ZIC5: variants seen among roughly 807,000 people sequenced by gnomAD.
ZIC5 encodes zinc finger protein ZIC 5.
A neutral mutation model predicts 28.5 loss-of-function variants in ZIC5; 20 were observed. The observed-to-expected ratio is 0.70, with a 90% CI of 0.49 to 1.02. The LOEUF (loss-of-function observed/expected upper bound fraction) is 1.02, where lower values mean the gene tolerates loss of function less well. Ranked by LOEUF, ZIC5 falls within the 50% of genes least tolerant of loss-of-function variation. ZIC5 has a pLI of 0.00. For missense variants in ZIC5, 951 were observed against 899.7 expected (o/e 1.06, Z -0.73); for synonymous variants, 488 against 410.4 (o/e 1.19, Z -2.29).
upstream of ZIC5, chr13:99,971,859 G>C: frequency 1.4e-6 from 1 of 732,022 alleles, no homozygotes; most frequent in Non-Finnish European, 2.2e-6. Context: ...AGTAGCCTCG[G>C]CTGCTCGATT....
chr13:99,970,141 T>C lies in ZIC5; in HGVS notation c.1463A>G (p.Lys488Arg), dbSNP rs767012249. The change falls in exon 1 of 2, where the codon AAG becomes AGG. Residue 488 changes from lysine to arginine, a missense_variant. This residue lies in a region of ZIC5 where 59 missense variants were observed against 121.2 expected (regional missense o/e 0.49). Coordinates refer to ENST00000267294, the MANE Select transcript of ZIC5 (RefSeq NM_033132.5). ...FARSENLKIH[K>R]RTHTGEKPFK... is the part of the protein sequence containing the mutation. ...CAGACACCCACCTGTATGAGTACGC[T>C]TGTGGATCTTGAGGTTCTCGGAGCG... 184 of 1,601,248 alleles carry C rather than the reference T, an allele frequency of 1.1e-4. No individual in the cohort carries two copies. Among genetic ancestry groups the C allele is most frequent in the Middle Eastern group, 5.0e-4 (3 of 6,018 alleles).
Position 99,970,677 on chromosome 13 carries a change from G to A in ZIC5, c.927C>T (p.Asn309=). The change falls in exon 1 of 2, where the codon AAC becomes AAT. Residue 309 remains asparagine (N), a synonymous_variant. Transcript: ENST00000267294. The part of the protein sequence containing the change: ...ALHGYGAVNL[N]LNLAAAAAAA... ...CGGCCGCCGCAGCCGCCAGGTTCAG[G>A]TTTAAGTTCACGGCTCCGTAGCCGT... 3 of 1,194,230 alleles carry A rather than the reference G, an allele frequency of 2.5e-6. No individual in the cohort carries two copies. Among genetic ancestry groups the A allele is most frequent in the Non-Finnish European group, 3.1e-6 (3 of 953,812 alleles). 74.0% of individuals were successfully genotyped at this position (1,194,230 alleles called of 1,614,324 possible).
Position 99,971,308 on chromosome 13 carries a change from C to T in ZIC5, c.296G>A (p.Arg99His), listed in dbSNP as rs1361498350. ...AHPEAPAAAA[R>H]AAALVAHPGA... Reference sequence around the variant, plus strand: ...GGGGTGCGCGACCAAGGCTGCAGCACGGGCGGCGGCTGCCGGAGCCTCCGG... The same window carrying T: ...GGGGTGCGCGACCAAGGCTGCAGCATGGGCGGCGGCTGCCGGAGCCTCCGG... The change falls in exon 1 of 2, where the codon CGT becomes CAT. Residue 99 changes from arginine to histidine, a missense_variant. Transcript: ENST00000267294. The T allele has an allele frequency of 1.1e-5, 15 of 1,369,270 alleles. No individual in the cohort carries two copies. Among genetic ancestry groups the T allele is most frequent in the African/African-American group, 1.5e-5 (1 of 64,942 alleles). 84.8% of individuals were successfully genotyped at this position (1,369,270 alleles called of 1,614,324 possible). A position where few individuals can be genotyped will look rare whatever the true frequency, so the allele number is the denominator to read the frequency against.
In ZIC5 at chr13:99,965,355, T is replaced by G. The variant is rs1389886600; in HGVS notation, c.*22A>C. ...CAAGGACTCCCACTTATTATTTCAC[T>G]TATTATTATTAATAATAAATTCTAA... On this transcript the variant is annotated 3_prime_UTR_variant, in exon 2 of 2. Coordinates refer to ENST00000267294, the MANE Select transcript of ZIC5 (RefSeq NM_033132.5). 2 of 1,592,912 alleles carry G rather than the reference T, an allele frequency of 1.3e-6. No individual in the cohort carries two copies. The highest frequency in any genetic ancestry group is 1.7e-6 in the Non-Finnish European group (2 of 1,170,104).
chr13:99,965,224 C>T lies in ZIC5; in HGVS notation c.*153G>A. The T allele has an allele frequency of 6.9e-6, 3 of 432,120 alleles. No individual in the cohort carries two copies. The highest frequency in any genetic ancestry group is 1.2e-5 in the Non-Finnish European group (3 of 258,846). The allele number at this position is 432,120 out of a possible 1,614,324, so 26.8% of individuals were successfully genotyped here. ...TAATTAAATTAATTAAATGTACAAA[C>T]ACCATAGGGTTTCATACTGAATAAA... On this transcript the variant is annotated 3_prime_UTR_variant, in exon 2 of 2. Coordinates refer to ENST00000267294, the MANE Select transcript of ZIC5 (RefSeq NM_033132.5).
At chr13:99,969,761 C>T (rs2053131947) in intron 1 of ZIC5, among the ~76,000 whole-genome samples, 1 of 152,134 alleles carries the variant, frequency 6.6e-6, no homozygotes, top group Admixed American at 6.5e-5. Context: ...CGGGTGGGGA[C>T]TGCCGACCGT....
In ZIC5 at chr13:99,971,034, C is replaced by A. The variant is rs775390966; in HGVS notation, c.570G>T (p.Gly190=). ...ACCGCTGCTCCCCTCCGAGCGGGGC[C>A]CCGTGCATGGCCGCCGCGGGGGCCG... ...SATAPAAAMH[G]APLGGEQRSG... Residue 190 remains glycine (G), a synonymous_variant, in exon 1 of 2, where the codon GGG becomes GGT. Transcript: ENST00000267294. The A allele has an allele frequency of 4.3e-5, 61 of 1,420,080 alleles. No individual in the cohort carries two copies. The highest frequency in any genetic ancestry group is 5.5e-5 in the Non-Finnish European group (60 of 1,099,274). 88.0% of individuals were successfully genotyped at this position (1,420,080 alleles called of 1,614,324 possible). A position where few individuals can be genotyped will look rare whatever the true frequency, so the allele number is the denominator to read the frequency against.
At position 99,970,166 on chromosome 13, in the gene ZIC5, G is replaced by A. The variant is rs2053137074; in HGVS notation, c.1438C>T (p.Arg480Cys). The A allele has an allele frequency of 1.2e-6, 2 of 1,611,574 alleles. No individual in the cohort carries two copies. Among genetic ancestry groups the A allele is most frequent in the Non-Finnish European group, 1.7e-6 (2 of 1,179,182 alleles). Residue 480 changes from arginine to cysteine, a missense_variant, in exon 1 of 2, where the codon CGC becomes TGC. Physicochemically the swap from Arg to Cys is radical, Grantham distance 180 (BLOSUM62 -3). This residue lies in a region of ZIC5 where 59 missense variants were observed against 121.2 expected (regional missense o/e 0.49). Coordinates refer to ENST00000267294, the MANE Select transcript of ZIC5 (RefSeq NM_033132.5). ...PFPGCGKVFARSENLKIHKRT... is the reference protein window; with the variant it reads ...PFPGCGKVFACSENLKIHKRT... ...TTGTGGATCTTGAGGTTCTCGGAGC[G>A]CGCGAAGACCTTGCCGCAGCCGGGG...
In ZIC5 at chr13:99,964,511, AAAAG is replaced by A. The variant is rs1779715561; in HGVS notation, c.*862_*865del. On this transcript the variant is annotated 3_prime_UTR_variant, in exon 2 of 2. Coordinates refer to ENST00000267294, the MANE Select transcript of ZIC5 (RefSeq NM_033132.5). The stretch of plus-strand genomic sequence containing the variant: ...GATAAAAAAAAAAAAACATATAGGA[AAAAG>A]AAAGCACTTGAATTTCTTCTATTTT... The A allele has an allele frequency of 6.6e-6, 1 of 152,290 alleles. No homozygotes were observed. The highest frequency in any genetic ancestry group is 2.4e-5 in the African/African-American group (1 of 41,436). 9.4% of individuals were successfully genotyped at this position (152,290 alleles called of 1,614,324 possible). A position where few individuals can be genotyped will look rare whatever the true frequency, so the allele number is the denominator to read the frequency against.
At position 99,971,310 on chromosome 13, in the gene ZIC5, G is replaced by A; in HGVS notation, c.294C>T (p.Ala98=). ...GGTGCGCGACCAAGGCTGCAGCACGGGCGGCGGCTGCCGGAGCCTCCGGGT... is the reference window on the plus strand; with the variant it reads ...GGTGCGCGACCAAGGCTGCAGCACGAGCGGCGGCTGCCGGAGCCTCCGGGT... The part of the protein sequence containing the change: ...PAHPEAPAAA[A]RAAALVAHPG... Residue 98 remains alanine, a synonymous_variant, in exon 1 of 2, where the codon GCC becomes GCT. Transcript: ENST00000267294. The A allele has an allele frequency of 6.6e-6, 9 of 1,371,520 alleles. No individual in the cohort carries two copies. Among genetic ancestry groups the A allele is most frequent in the Non-Finnish European group, 8.4e-6 (9 of 1,073,138 alleles). The allele number at this position is 1,371,520 out of a possible 1,614,324, so 85.0% of individuals were successfully genotyped here.
At position 99,970,551 on chromosome 13, in the gene ZIC5, G is replaced by A. The variant is rs1250845028; in HGVS notation, c.1053C>T (p.Pro351=). The change falls in exon 1 of 2, where the codon CCC becomes CCT. Residue 351 remains proline (P), a synonymous_variant. Coordinates refer to ENST00000267294, the MANE Select transcript of ZIC5 (RefSeq NM_033132.5). ...APAQHPHQHH[P]HLPGAAGAFL... is the part of the protein sequence containing the mutation. ...AGGCCCCAGCCGCCCCTGGGAGGTG[G>A]GGGTGGTGCTGGTGCGGGTGCTGCG... 9.2e-7 allele frequency: 1 copy of A among 1,081,090 alleles called. No individual in the cohort carries two copies. The highest frequency in any genetic ancestry group is 1.1e-6 in the Non-Finnish European group (1 of 891,118). The allele number at this position is 1,081,090 out of a possible 1,614,324, so 67.0% of individuals were successfully genotyped here.
chr13:99,971,659 C>T lies in ZIC5; in HGVS notation c.-56G>A. ...CACTGGGGGGACTTTATTCCCTCTGCCCGCCTTCAAAAACATGTATGTATT... is the reference window on the plus strand; with the variant it reads ...CACTGGGGGGACTTTATTCCCTCTGTCCGCCTTCAAAAACATGTATGTATT... On this transcript the variant is annotated 5_prime_UTR_variant, in exon 1 of 2. Transcript: ENST00000267294. 1 of 1,557,588 alleles carries T rather than the reference C, an allele frequency of 6.4e-7. No homozygotes were observed. Among genetic ancestry groups the T allele is most frequent in the Non-Finnish European group, 8.7e-7 (1 of 1,149,624 alleles).
chr13:99,970,056 CAGCGGCGGA>C, intron 1 of ZIC5, 62 bp downstream of exon 1: 1 of 1,596,342 alleles, frequency 6.3e-7, no homozygotes, highest in African/African-American at 1.3e-5. Context: ...GGAGGAGAAG[CAGCGGCGGA>C]AGCGGCGGCG....
intron 1 of ZIC5, 124 bp from the exon 2 acceptor site, chr13:99,965,943 C>A (rs1317332508): frequency 3.0e-6 from 3 of 1,013,786 alleles, no homozygotes; most frequent in East Asian, 2.5e-5. Flanking sequence ...CAGCCTAATT[C>A]TTCTTCCTAA....
intron 1 of ZIC5, among the ~76,000 whole-genome samples, chr13:99,969,894 G>C (rs1450006836): frequency 6.6e-6 from 1 of 151,654 alleles, no homozygotes; most frequent in African/African-American, 2.4e-5. Flanking sequence ...CGCCGTGTGG[G>C]AACCCAACGC....
chr13:99,971,441 C>G lies in ZIC5; in HGVS notation c.163G>C (p.Asp55His). Residue 55 changes from aspartate (D) to histidine (H), a missense_variant, in exon 1 of 2, where the codon GAC (aspartate) becomes CAC (histidine). Around this residue, in one of 3 missense-constraint regions of ZIC5, gnomAD observed 784 missense variants for 660.1 expected, o/e 1.19. Coordinates refer to ENST00000267294, the MANE Select transcript of ZIC5 (RefSeq NM_033132.5). ...RAAVAHLRLR[D>H]LGADPGVATT... Reference sequence around the variant, plus strand: ...GCCACGCCGGGGTCAGCGCCCAGGTCCCGCAGGCGGAGGTGCGCGACGGCG... The same window carrying G: ...GCCACGCCGGGGTCAGCGCCCAGGTGCCGCAGGCGGAGGTGCGCGACGGCG... The G allele has an allele frequency of 2.6e-6, 4 of 1,545,018 alleles. No homozygotes were observed. The highest frequency in any genetic ancestry group is 3.5e-6 in the Non-Finnish European group (4 of 1,145,520).
intron 1 of ZIC5, among the ~76,000 whole-genome samples, chr13:99,968,718 G>A (rs1295592103): frequency 6.6e-6 from 1 of 152,230 alleles, no homozygotes; most frequent in Non-Finnish European, 1.5e-5. Flanking sequence ...GGAGCGAGCA[G>A]CCGGCTTAGC....
chr13:99,970,598 G>GCGC lies in ZIC5; in HGVS notation c.1003_1005dup (p.Ala335dup), dbSNP rs1446504127. On this transcript the variant is annotated inframe_insertion, in exon 1 of 2. Coordinates refer to ENST00000267294, the MANE Select transcript of ZIC5 (RefSeq NM_033132.5). ...TGCGCGGGCGCCGGCGGCGGCGGCG[G>GCGC]CGCCGGGGGCGGCGCGTGGTGCTGC... 1 of 998,598 alleles carries GCGC rather than the reference G, an allele frequency of 1.0e-6. No homozygotes were observed. The highest frequency in any genetic ancestry group is 1.2e-6 in the Non-Finnish European group (1 of 842,096). The allele number at this position is 998,598 out of a possible 1,614,324, so 61.9% of individuals were successfully genotyped here.
chr13:99,966,316 G>C (rs1243911616), intron 1 of ZIC5, among the ~76,000 whole-genome samples: 1 of 152,216 alleles, frequency 6.6e-6, no homozygotes, highest in African/African-American at 2.4e-5. Context: ...GGGGGGTACA[G>C]TCAAATTATA....
Sources: allele counts gnomAD v4.1 joint callset (sites outside exome capture counted in the v4.1 genomes callset), GRCh38; gene constraint gnomAD v4.1.1; regional missense constraint gnomAD v4.1.1; transcripts MANE v1.5; gene names NCBI Gene and HGNC (gene_info 2026-07-23, HGNC 2026-07-21).